Variants in DDI2 observed in about 807,000 individuals in gnomAD.
DDI2 encodes protein DDI1 homolog 2.
In DDI2, 5 loss-of-function variants were observed where a neutral mutation model predicts 48.1. The ratio of observed to expected loss-of-function variants is 0.10; its 90% CI spans 0.05 to 0.22. The LOEUF is 0.22. Ranked by LOEUF, DDI2 falls within the 10% of genes least tolerant of loss-of-function variation. The pLI is 1.00. For synonymous variants in DDI2, 205 were observed against 183.6 expected (o/e 1.12, Z -0.94); for missense variants, 285 against 506.2 (o/e 0.56, Z 4.19).
rs560068532 is a variant in DDI2, at chr1:15,668,572, C to T, written c.*8782C>T. On this transcript the variant is annotated 3_prime_UTR_variant, in exon 10 of 10. Transcript: ENST00000480945. ...AAGGTTTGTTTACCAGTTTTGTAGC[C>T]ATGTTTGGCAAATCTTAGCAACTAG... is the stretch of plus-strand genomic sequence containing the variant. The T allele has an allele frequency of 2.6e-5, 4 of 152,284 alleles. No homozygotes were observed. The highest frequency in any genetic ancestry group is 4.1e-4 in the South Asian group (2 of 4,822). The allele number at this position is 152,284 out of a possible 1,614,324, so 9.4% of individuals were successfully genotyped here.
rs1388334338 is a variant in DDI2, at chr1:15,651,838, G to C, written c.1126G>C (p.Glu376Gln). The change falls in exon 8 of 10, where the codon GAG (glutamate) becomes CAG (glutamine). Residue 376 changes from glutamate to glutamine, a missense_variant. Glu to Gln is a conservative substitution (Grantham distance 29). Transcript: ENST00000480945. ...YGAGREDVRP[E>Q]EIADQELAEA... is the part of the protein sequence containing the mutation. Reference sequence around the variant, plus strand: ...GGCTGGAAGAGAGGATGTACGGCCAGAGGAGATTGCAGACCAAGAATTAGC... The same window carrying C: ...GGCTGGAAGAGAGGATGTACGGCCACAGGAGATTGCAGACCAAGAATTAGC... The C allele has an allele frequency of 6.2e-7, 1 of 1,614,008 alleles. No homozygotes were observed. The highest frequency in any genetic ancestry group is 8.5e-7 in the Non-Finnish European group (1 of 1,179,952).
intron 6 of DDI2, among the ~76,000 whole-genome samples, chr1:15,644,882 C>T (rs1184514221): frequency 1.3e-5 from 2 of 150,542 alleles, no homozygotes; most frequent in Non-Finnish European, 3.0e-5. Context: ...CGTGAGCCAC[C>T]GCTCCCGGCC....
At chr1:15,620,111 A>G (rs187522730) in intron 1 of DDI2, among the ~76,000 whole-genome samples, 114 of 152,286 alleles carry the variant, frequency 7.5e-4, no homozygotes, top group African/African-American at 2.4e-3. Flanking sequence ...CATTATGTCA[A>G]TGTTTCGGCA....
chr1:15,638,506 C>T, intron 5 of DDI2, 72 bp downstream of exon 5: 1 of 1,164,446 alleles, frequency 8.6e-7, no homozygotes, highest in Non-Finnish European at 1.2e-6. Flanking sequence ...AGGGGAGGCT[C>T]AAGCATCCGT....
chr1:15,662,690 G>A lies in DDI2; in HGVS notation c.*2900G>A, dbSNP rs1056335052. 3.3e-5 allele frequency: 5 copies of A among 152,220 alleles called. No individual in the cohort carries two copies. The highest frequency in any genetic ancestry group is 1.2e-4 in the African/African-American group (5 of 41,438). 9.4% of individuals were successfully genotyped at this position (152,220 alleles called of 1,614,324 possible). On this transcript the variant is annotated 3_prime_UTR_variant, in exon 10 of 10. Transcript: ENST00000480945. ...CCTTTCTAGACTCTTCTGCCAGGAA[G>A]TTCTTCAAACGCTCAGTGTGAGCTG...
At chr1:15,618,549 A>T (rs575930926) in intron 1 of DDI2, among the ~76,000 whole-genome samples, 4 of 152,214 alleles carry the variant, frequency 2.6e-5, no homozygotes, top group Non-Finnish European at 5.9e-5. Flanking sequence ...TCAAAGCTCA[A>T]TGCTTTAAAA....
intron 3 of DDI2, among the ~76,000 whole-genome samples, chr1:15,632,394 G>A (rs1466671560): frequency 1.3e-5 from 2 of 151,978 alleles, no homozygotes; most frequent in Non-Finnish European, 2.9e-5. Flanking sequence ...TTAGCTGGAC[G>A]TGGTGGCAGG....
chr1:15,623,327 A>G (rs1402406662), intron 1 of DDI2, among the ~76,000 whole-genome samples: 1 of 150,586 alleles, frequency 6.6e-6, no homozygotes, highest in East Asian at 1.9e-4. Flanking sequence ...AAAGCTGTAT[A>G]TGATACTCCT....
rs925724594 is a variant in DDI2, at chr1:15,666,065, A to G, written c.*6275A>G. On this transcript the variant is annotated 3_prime_UTR_variant, in exon 10 of 10. Coordinates refer to ENST00000480945, the MANE Select transcript of DDI2 (RefSeq NM_032341.5). ...TGTTACCTTTTGTGTTAGGAGGTAG[A>G]GAAAATAAAAATAGCTTTTTTTTCC... 3 of 152,212 alleles carry G rather than the reference A, an allele frequency of 2.0e-5. No individual in the cohort carries two copies. Among genetic ancestry groups the G allele is most frequent in the African/African-American group, 7.2e-5 (3 of 41,448 alleles). The allele number at this position is 152,212 out of a possible 1,614,324, so 9.4% of individuals were successfully genotyped here.
intron 1 of DDI2, among the ~76,000 whole-genome samples, chr1:15,618,225 C>G (rs1253472432): frequency 6.6e-6 from 1 of 150,772 alleles, no homozygotes; most frequent in Non-Finnish European, 1.5e-5. Context: ...CAGTTTGGAT[C>G]ACTGTGGTAG....
rs755898821 is a variant in DDI2, at chr1:15,630,440, T to C, written c.384T>C (p.Ser128=). 1 of 1,614,068 alleles carries C rather than the reference T, an allele frequency of 6.2e-7. No homozygotes were observed. The highest frequency in any genetic ancestry group is 1.3e-5 in the African/African-American group (1 of 74,922). The change falls in exon 3 of 10, where the codon TCT becomes TCC. Residue 128 remains serine, a synonymous_variant. Transcript: ENST00000480945. Reference sequence around the variant, plus strand: ...CATCTCCTGGAGAAATAACTTCATCTCCTCAGGGCTTGGACAATCCAGCCT... The same window carrying C: ...CATCTCCTGGAGAAATAACTTCATCCCCTCAGGGCTTGGACAATCCAGCCT... ...SHSSPGEITS[S]PQGLDNPALL...
intron 5 of DDI2, among the ~76,000 whole-genome samples, chr1:15,643,214 C>T (rs1328282878): frequency 3.3e-5 from 5 of 152,232 alleles, no homozygotes; most frequent in Admixed American, 3.3e-4. Context: ...GCTAATTTAG[C>T]ATTGCCATCT....
intron 4 of DDI2, among the ~76,000 whole-genome samples, chr1:15,636,592 C>T (rs1380136613): frequency 3.9e-5 from 6 of 152,194 alleles, no homozygotes. Context: ...TTGCGTCAGT[C>T]TCCTGAATAG....
chr1:15,663,270 A>C lies in DDI2; in HGVS notation c.*3480A>C, dbSNP rs1363299361. On this transcript the variant is annotated 3_prime_UTR_variant, in exon 10 of 10. Transcript: ENST00000480945. ...AAGCTTGTTTGTTTCATCAAATTTT[A>C]AGTCATTGAGCACAATCAAAATGGA... is the stretch of plus-strand genomic sequence containing the variant. The C allele has an allele frequency of 6.6e-6, 1 of 152,212 alleles. No homozygotes were observed. The highest frequency in any genetic ancestry group is 1.9e-4 in the East Asian group (1 of 5,202). The allele number at this position is 152,212 out of a possible 1,614,324, so 9.4% of individuals were successfully genotyped here.
intron 3 of DDI2, among the ~76,000 whole-genome samples, chr1:15,633,222 C>G (rs1367803727): frequency 6.6e-6 from 1 of 152,128 alleles, no homozygotes; most frequent in African/African-American, 2.4e-5. Context: ...AGCTACCACA[C>G]CCAGCCACAA....
intron 6 of DDI2, among the ~76,000 whole-genome samples, chr1:15,649,154 A>G (rs184074802): frequency 8.8e-4 from 134 of 152,172 alleles, no homozygotes; most frequent in African/African-American, 3.0e-3. Flanking sequence ...ACGTGAGGTC[A>G]GGAGTTCAAG....
chr1:15,626,773 C>A lies in DDI2; in HGVS notation c.243C>A (p.Asp81Glu). 1 of 1,614,102 alleles carries A rather than the reference C, an allele frequency of 6.2e-7. No individual in the cohort carries two copies. The highest frequency in any genetic ancestry group is 8.5e-7 in the Non-Finnish European group (1 of 1,180,030). The change falls in exon 2 of 10, where the codon GAC becomes GAA. Residue 81 changes from aspartate to glutamate, a missense_variant. Coordinates refer to ENST00000480945, the MANE Select transcript of DDI2 (RefSeq NM_032341.5). ...TTTTACGACAGAAGGAGAATGCAGA[C>A]CCTCGACCTCCAGTGCAGTTCCCAA... ...VVILRQKENA[D>E]PRPPVQFPNL...
At chr1:15,653,342 C>T (rs571603976) in intron 8 of DDI2, among the ~76,000 whole-genome samples, 1 of 151,978 alleles carries the variant, frequency 6.6e-6, no homozygotes, top group African/African-American at 2.4e-5. Context: ...GTGGCGCAGC[C>T]ATGGCTCACT....
At chr1:15,649,352 ACT>A in intron 6 of DDI2, among the ~76,000 whole-genome samples, 1 of 149,614 alleles carries the variant, frequency 6.7e-6, no homozygotes. Context: ...ACAGAGCAAG[ACT>A]CTGTCTCAAA....
Sources: gnomAD v4.1 joint callset for allele counts (sites outside exome capture counted in the v4.1 genomes callset) on GRCh38, gnomAD v4.1.1 for gene constraint, MANE v1.5 for transcripts, NCBI Gene and HGNC (gene_info 2026-07-23, HGNC 2026-07-21) for gene names.